Variants in RALYL observed in about 807,000 individuals in gnomAD.
The protein encoded by RALYL is RALY RNA binding protein like, also known as RNA-binding Raly-like protein.
RALYL carries 29 observed loss-of-function variants against 35.1 expected under a neutral mutation model. The ratio of observed to expected loss-of-function variants is 0.83; its 90% confidence interval spans 0.61 to 1.13. The LOEUF is 1.13. RALYL is among the 50% of genes most tolerant of loss of function. RALYL has a pLI of 0.00. For missense variants in RALYL, 359 were observed against 360.4 expected (o/e 1.00, Z 0.03); for synonymous variants, 120 against 127.6 (o/e 0.94, Z 0.40).
intron 5 of RALYL, among the ~76,000 whole-genome samples, chr8:84,861,058 A>G (rs568448537): frequency 6.6e-6 from 1 of 152,298 alleles, no homozygotes; most frequent in Admixed American, 6.5e-5. Context: ...AACCTATTAT[A>G]GAACTTGTTT....
intron 1 of RALYL, among the ~76,000 whole-genome samples, chr8:84,414,610 C>T (rs1039787762): frequency 6.6e-6 from 1 of 152,120 alleles, no homozygotes; most frequent in African/African-American, 2.4e-5. Context: ...CAACTATCAA[C>T]ATTTGCTTAG....
chr8:84,591,367 A>G (rs1280261154), intron 2 of RALYL, among the ~76,000 whole-genome samples: 2 of 152,172 alleles, frequency 1.3e-5, no homozygotes, highest in Admixed American at 6.5e-5. Context: ...TAATACAGCA[A>G]AAAGCATAGA....
At chr8:84,249,345 T>C (rs979308576) in intron 1 of RALYL, among the ~76,000 whole-genome samples, 1 of 152,084 alleles carries the variant, frequency 6.6e-6, no homozygotes, top group Non-Finnish European at 1.5e-5. Context: ...AGACAAAACT[T>C]GTACAAGAGT....
intron 8 of RALYL, among the ~76,000 whole-genome samples, chr8:84,903,312 G>A (rs1478569961): frequency 6.6e-6 from 1 of 152,114 alleles, no homozygotes; most frequent in Non-Finnish European, 1.5e-5. Context: ...TAAAACAGTT[G>A]ATACATAATT....
At chr8:84,436,591 T>A (rs1426060819) in intron 1 of RALYL, among the ~76,000 whole-genome samples, 4 of 149,814 alleles carry the variant, frequency 2.7e-5, no homozygotes, top group Non-Finnish European at 4.4e-5. Flanking sequence ...AGCTACTTAT[T>A]TATTGTTTGG....
intron 1 of RALYL, among the ~76,000 whole-genome samples, chr8:84,327,625 G>A (rs541506351): frequency 3.6e-4 from 54 of 151,960 alleles, no homozygotes; most frequent in African/African-American, 1.3e-3. Flanking sequence ...GAGTGGTTGT[G>A]ACGGAGGTGG....
chr8:84,878,942 C>T (rs1295812087), intron 7 of RALYL, among the ~76,000 whole-genome samples: 3 of 152,148 alleles, frequency 2.0e-5, no homozygotes, highest in Non-Finnish European at 2.9e-5. Flanking sequence ...GCACGGGAAC[C>T]ATCTCAGCCT....
chr8:84,773,681 T>G (rs767627962), intron 2 of RALYL, among the ~76,000 whole-genome samples: 2 of 152,230 alleles, frequency 1.3e-5, no homozygotes, highest in Non-Finnish European at 2.9e-5. Flanking sequence ...TTTGACAACC[T>G]TGGAATTCAA....
intron 2 of RALYL, among the ~76,000 whole-genome samples, chr8:84,713,328 T>C (rs546153332): frequency 3.3e-5 from 5 of 152,160 alleles, no homozygotes; most frequent in Non-Finnish European, 7.4e-5. Flanking sequence ...ACTCTTCATG[T>C]ATTTTTAATA....
In RALYL at chr8:84,354,342, T is replaced by C. The variant is rs866959154; in HGVS notation, c.-24+169918T>C. 1.3e-4 allele frequency among the ~76,000 whole-genome samples: 20 copies of C among 150,428 alleles called. 1 individual carries two copies. The highest frequency in any genetic ancestry group is 4.2e-4 in the African/African-American group (17 of 40,516). ...AGCATAATTCTCCCTTAAAGTAAAA[T>C]ATAAAATCAACTCTAGACAGCTCTT... On this transcript the variant is annotated intron_variant, in intron 1 of 8. Coordinates refer to ENST00000521268, the MANE Select transcript of RALYL (RefSeq NM_173848.7).
chr8:84,572,540 C>T (rs1176073708), intron 2 of RALYL, among the ~76,000 whole-genome samples: 3 of 151,688 alleles, frequency 2.0e-5, no homozygotes, highest in Non-Finnish European at 4.4e-5. Context: ...TTAACTTATA[C>T]AGTGGTATTG....
At chr8:84,411,720 G>C (rs73304359) in intron 1 of RALYL, among the ~76,000 whole-genome samples, 4,494 of 151,980 alleles carry the variant, frequency 0.03, 222 homozygotes, top group African/African-American at 0.1. Flanking sequence ...TTGATTATTT[G>C]TTTAAATACT....
At chr8:84,554,905 T>A (rs1442631035) in intron 2 of RALYL, among the ~76,000 whole-genome samples, 2 of 152,106 alleles carry the variant, frequency 1.3e-5, no homozygotes, top group East Asian at 3.9e-4. Flanking sequence ...GAGTCGCCCA[T>A]TTTTTTATTA....
chr8:84,915,985 T>G (rs539332999), intron 8 of RALYL, among the ~76,000 whole-genome samples: 1 of 152,256 alleles, frequency 6.6e-6, no homozygotes, highest in South Asian at 2.1e-4. Flanking sequence ...ATAAAAAGGC[T>G]AGGAAAATCA....
chr8:84,790,906 C>T (rs1469549849), intron 3 of RALYL, among the ~76,000 whole-genome samples: 3 of 152,122 alleles, frequency 2.0e-5, no homozygotes, highest in Non-Finnish European at 2.9e-5. Context: ...GAGTAAGCTA[C>T]GGTCTGTTTA....
chr8:84,840,443 G>C (rs1833000603), intron 4 of RALYL, among the ~76,000 whole-genome samples: 1 of 152,150 alleles, frequency 6.6e-6, no homozygotes, highest in Non-Finnish European at 1.5e-5. Flanking sequence ...AATGAACAAA[G>C]CCTCCAAGTA....
At chr8:84,873,200 T>G in intron 6 of RALYL, 84 bp from the exon 7 acceptor site, 1 of 633,208 alleles carries the variant, frequency 1.6e-6, no homozygotes, top group Non-Finnish European at 2.8e-6. Flanking sequence ...CTTGAGAAAA[T>G]ACGGGGTCCC....
At chr8:84,692,691 AT>A (rs1280881959) in intron 2 of RALYL, among the ~76,000 whole-genome samples, 7 of 152,044 alleles carry the variant, frequency 4.6e-5, no homozygotes, top group African/African-American at 1.7e-4. Flanking sequence ...ATGTAGCATT[AT>A]TTTGCATGTG....
chr8:84,406,085 A>C (rs1428056098), intron 1 of RALYL, among the ~76,000 whole-genome samples: 1 of 151,756 alleles, frequency 6.6e-6, no homozygotes, highest in African/African-American at 2.4e-5. Flanking sequence ...AAGAATAACA[A>C]AAAGTTAACT....
Sources: allele counts gnomAD v4.1 joint callset (sites outside exome capture counted in the v4.1 genomes callset), GRCh38; gene constraint gnomAD v4.1.1; transcripts MANE v1.5; gene names NCBI Gene and HGNC (gene_info 2026-07-23, HGNC 2026-07-21).